AGBL3: variants seen among roughly 807,000 people sequenced by gnomAD.
AGBL3 encodes AGBL carboxypeptidase 3.
Under a neutral mutation model 94.5 loss-of-function variants are expected in AGBL3, and 68 were observed. The ratio of observed to expected loss-of-function variants is 0.72; its 90% CI spans 0.59 to 0.88. The LOEUF (loss-of-function observed/expected upper bound fraction) is 0.88. Ranked by LOEUF, AGBL3 falls within the 40% of genes least tolerant of loss-of-function variation. The pLI is 0.00. For missense variants in AGBL3, 934 were observed against 1,103.8 expected, an observed-to-expected ratio of 0.85 and a Z score of 2.18; for synonymous variants, 354 against 370.7, an observed-to-expected ratio of 0.95 and a Z score of 0.52.
intron 12 of AGBL3, among the ~76,000 whole-genome samples, chr7:135,069,365 C>T (rs566884006): frequency 1.2e-3 from 177 of 152,296 alleles, no homozygotes; most frequent in African/African-American, 4.1e-3. Context: ...CAGCTCTGCA[C>T]CAAGCAGACC....
At chr7:134,990,416 G>A (rs1810086544) in intron 3 of AGBL3, among the ~76,000 whole-genome samples, 1 of 152,112 alleles carries the variant, frequency 6.6e-6, no homozygotes, top group Non-Finnish European at 1.5e-5. Flanking sequence ...CCATGTTGTT[G>A]CATATATCAG....
chr7:135,027,327 C>T (rs943388148), intron 5 of AGBL3, among the ~76,000 whole-genome samples: 13 of 151,800 alleles, frequency 8.6e-5, no homozygotes, highest in African/African-American at 2.6e-4. Context: ...GGATTACAGG[C>T]GTGAGCCTCT....
chr7:135,104,582 C>T (rs1007194598), intron 15 of AGBL3, among the ~76,000 whole-genome samples: 10 of 152,062 alleles, frequency 6.6e-5, no homozygotes, highest in Admixed American at 1.3e-4. Flanking sequence ...GCAACCTTGC[C>T]GGCATTTGTT....
chr7:135,134,403 T>C (rs911476229), intron 16 of AGBL3, among the ~76,000 whole-genome samples: 2 of 146,022 alleles, frequency 1.4e-5, no homozygotes, highest in Non-Finnish European at 3.1e-5. Context: ...AACTTCCCTC[T>C]CTTAGACTCA....
At chr7:135,073,788 C>T (rs1221151856) in intron 12 of AGBL3, among the ~76,000 whole-genome samples, 1 of 152,110 alleles carries the variant, frequency 6.6e-6, no homozygotes, top group African/African-American at 2.4e-5. Context: ...GGACAGGGAT[C>T]TTCACAGTGC....
intron 12 of AGBL3, among the ~76,000 whole-genome samples, chr7:135,061,439 G>A (rs1037936773): frequency 1.3e-5 from 2 of 151,984 alleles, no homozygotes; most frequent in African/African-American, 2.4e-5. Flanking sequence ...GTGTTTTCAA[G>A]TTCATATCCA....
chr7:135,130,271 T>A (rs1246256217), intron 16 of AGBL3, among the ~76,000 whole-genome samples: 3 of 152,360 alleles, frequency 2.0e-5, no homozygotes, highest in Non-Finnish European at 4.4e-5. Flanking sequence ...TTTGACCTGC[T>A]TTTCAGAATG....
At chr7:135,025,885 T>C (rs563017215) in intron 5 of AGBL3, among the ~76,000 whole-genome samples, 2 of 144,936 alleles carry the variant, frequency 1.4e-5, no homozygotes, top group East Asian at 4.9e-4. Context: ...GTCTTAACTA[T>C]CCTAAATATA....
At chr7:135,093,421 C>A (rs184555446) in intron 15 of AGBL3, 158 of 152,146 alleles carry the variant, frequency 1.0e-3, no homozygotes, top group African/African-American at 3.7e-3. Context: ...AATTACATCT[C>A]AAAAACCTGT....
chr7:135,048,545 T>C (rs187804318), intron 11 of AGBL3, among the ~76,000 whole-genome samples: 21 of 152,108 alleles, frequency 1.4e-4, no homozygotes, highest in African/African-American at 4.8e-4. Context: ...TGTTTTATAG[T>C]TTTCATTATA....
chr7:135,059,093 A>C lies in AGBL3; in HGVS notation c.1842-76A>C, dbSNP rs190739272. On this transcript the variant is annotated intron_variant, in intron 11 of 16. Coordinates refer to ENST00000436302, the MANE Select transcript of AGBL3 (RefSeq NM_178563.4). ...TTAGAACTTTTCAACCATTCAAATA[A>C]GATAAATAAAAGCAACAGTTGAAAT... 807 of 1,131,860 alleles carry C rather than the reference A, an allele frequency of 7.1e-4. 14 individuals carry two copies. The East Asian group carries it at 0.019, about 26-fold the overall frequency. The allele number at this position is 1,131,860 out of a possible 1,614,324, so 70.1% of individuals were successfully genotyped here. A position where few individuals can be genotyped will look rare whatever the true frequency, so the allele number is the denominator to read the frequency against.
chr7:135,110,252 A>G (rs1285839965), intron 15 of AGBL3, among the ~76,000 whole-genome samples: 1 of 152,118 alleles, frequency 6.6e-6, no homozygotes, highest in African/African-American at 2.4e-5. Flanking sequence ...TTATCCTGAG[A>G]TGTGCTGTGG....
rs901517221 is a variant in AGBL3, at chr7:135,034,077, T to C, written c.558-72T>C. The C allele has an allele frequency of 1.3e-5, 16 of 1,277,760 alleles. No homozygotes were observed. In the African/African-American group the frequency reaches 2.3e-4, roughly 18 times the overall value. 79.2% of individuals were successfully genotyped at this position (1,277,760 alleles called of 1,614,324 possible). ...ATTTTCCTTATTTAACTCAAAATTT[T>C]ACATTGGTTTTTTACAAAATGTCAT... On this transcript the variant is annotated intron_variant, in intron 6 of 16. Transcript: ENST00000436302.
At chr7:135,107,437 G>C (rs955993185) in intron 15 of AGBL3, among the ~76,000 whole-genome samples, 1 of 152,164 alleles carries the variant, frequency 6.6e-6, no homozygotes, top group African/African-American at 2.4e-5. Flanking sequence ...TAATTAAAAA[G>C]AGCTTCTTGA....
At position 135,128,939 on chromosome 7, in the gene AGBL3, C is replaced by T; in HGVS notation, c.2343-5902C>T. Reference sequence around the variant, plus strand: ...ATTTGTTCCTGTGCAATATCTGTTTCTGTAAGAAGCTGGGTAGTGAATGCA... The same window carrying T: ...ATTTGTTCCTGTGCAATATCTGTTTTTGTAAGAAGCTGGGTAGTGAATGCA... On this transcript the variant is annotated intron_variant, in intron 16 of 16. Transcript: ENST00000436302. 7 of 1,563,146 alleles carry T rather than the reference C, an allele frequency of 4.5e-6. No individual in the cohort carries two copies. In the South Asian group the frequency reaches 7.8e-5, roughly 17 times the overall value.
At chr7:135,056,735 A>G (rs2116666242) in intron 11 of AGBL3, among the ~76,000 whole-genome samples, 1 of 152,270 alleles carries the variant, frequency 6.6e-6, no homozygotes, top group Admixed American at 6.5e-5. Context: ...AAAGAAATCA[A>G]AGAGGATCTA....
chr7:135,073,868 G>T lies in AGBL3; in HGVS notation c.1909-2529G>T, dbSNP rs918595486. Reference sequence around the variant, plus strand: ...CTACCAGGCCCAGGGTGCGGCGCCAGGCTGTTTGCTTGTGGATTTCATTTC... The same window carrying T: ...CTACCAGGCCCAGGGTGCGGCGCCATGCTGTTTGCTTGTGGATTTCATTTC... On this transcript the variant is annotated intron_variant, in intron 12 of 16. Coordinates refer to ENST00000436302, the MANE Select transcript of AGBL3 (RefSeq NM_178563.4). 2.6e-5 allele frequency among the ~76,000 whole-genome samples: 4 copies of T among 152,166 alleles called. No individual in the cohort carries two copies. In the South Asian group the frequency reaches 8.3e-4, roughly 32 times the overall value.
intron 4 of AGBL3, among the ~76,000 whole-genome samples, chr7:135,000,229 G>T (rs563721294): frequency 3.9e-5 from 6 of 152,194 alleles, no homozygotes; most frequent in Non-Finnish European, 8.8e-5. Flanking sequence ...TTAATTTTAT[G>T]TGTCAGCTTG....
Position 135,059,178 on chromosome 7 carries a change from C to T in AGBL3, c.1851C>T (p.Gly617=). 1.3e-6 allele frequency: 2 copies of T among 1,550,788 alleles called. No individual in the cohort carries two copies. The highest frequency in any genetic ancestry group is 8.7e-7 in the Non-Finnish European group (1 of 1,146,520). The change falls in exon 12 of 17, where the codon GGC becomes GGT. Residue 617 remains glycine (G), a synonymous_variant. Transcript: ENST00000436302. ...ATTATTTTTTTTGTAGTAGCCGAGG[C>T]TCTGACAGTTCAGAATCCATTGACT... ...ITLDVESSSR[G]SDSSESIDSL...
Sources: allele counts gnomAD v4.1 joint callset (sites outside exome capture counted in the v4.1 genomes callset), GRCh38; gene constraint gnomAD v4.1.1; transcripts MANE v1.5; gene names NCBI Gene and HGNC (gene_info 2026-07-23, HGNC 2026-07-21).